The following CELF1 variants were observed in gnomAD, a reference collection of about 807,000 sequenced individuals.
The protein encoded by CELF1 is CUGBP Elav-like family member 1, also known as 50 kDa nuclear polyadenylated RNA-binding protein.
In CELF1, 10 loss-of-function variants were observed where a neutral mutation model predicts 61.8. The ratio of observed to expected loss-of-function variants is 0.16; its 90% CI spans 0.10 to 0.27. The LOEUF (loss-of-function observed/expected upper bound fraction) is 0.27, where lower values mean the gene tolerates loss of function less well. Among genes scored for constraint, CELF1 ranks in the 10% least tolerant of loss-of-function variants. CELF1 has a pLI of 1.00. For missense variants in CELF1, 380 were observed against 639.1 expected (o/e 0.59, Z 4.37); for synonymous variants, 236 against 225.1 (o/e 1.05, Z -0.43).
intron 1 of CELF1, among the ~76,000 whole-genome samples, chr11:47,522,351 C>T (rs1415031104): frequency 6.7e-6 from 1 of 148,682 alleles, no homozygotes; most frequent in Non-Finnish European, 1.5e-5. Flanking sequence ...CATGGTGAAA[C>T]CCCATCTCTA....
At chr11:47,534,356 TTCA>T (rs1451884968) in intron 1 of CELF1, among the ~76,000 whole-genome samples, 1 of 151,338 alleles carries the variant, frequency 6.6e-6, no homozygotes, top group East Asian at 1.9e-4. Context: ...CTATCAAGAT[TTCA>T]ATGTTTTCCA....
At chr11:47,512,386 C>T (rs1018900156) in intron 1 of CELF1, among the ~76,000 whole-genome samples, 3 of 151,438 alleles carry the variant, frequency 2.0e-5, no homozygotes, top group African/African-American at 7.3e-5. Context: ...ATCTCCTGAC[C>T]TCATGATCCA....
In CELF1 at chr11:47,489,003, G is replaced by A; in HGVS notation, c.93C>T (p.Thr31=). 1 of 1,588,044 alleles carries A rather than the reference G, an allele frequency of 6.3e-7. No homozygotes were observed. Among genetic ancestry groups the A allele is most frequent in the South Asian group, 1.1e-5 (1 of 87,204 alleles). ...GATCTGGTTGGTCTGGGTGGTCCAG[G>A]GTGCCGTTCATTTTCTTTGAGCTGT... ...SSPVSKKMNG[T]LDHPDQPDLD... is the part of the protein sequence containing the mutation. The change falls in exon 4 of 15, where the codon ACC becomes ACT. Residue 31 remains threonine (T), a synonymous_variant. Coordinates refer to ENST00000687097, the MANE Select transcript of CELF1 (RefSeq NM_001376376.1).
At chr11:47,560,900 A>C (rs915314592) in intron 2 of CELF1, among the ~76,000 whole-genome samples, 21 of 152,222 alleles carry the variant, frequency 1.4e-4, no homozygotes, top group African/African-American at 4.3e-4. Flanking sequence ...GCACTTTGGG[A>C]GTCCGAGGCG....
chr11:47,544,086 C>T (rs1257416734), intron 1 of CELF1, among the ~76,000 whole-genome samples: 1 of 152,176 alleles, frequency 6.6e-6, no homozygotes, highest in African/African-American at 2.4e-5. Context: ...TCCTGTTTAG[C>T]ACAGCATTTC....
At position 47,471,283 on chromosome 11, in the gene CELF1, A is replaced by T. The variant is rs1226863829; in HGVS notation, c.*947T>A. On this transcript the variant is annotated 3_prime_UTR_variant, in exon 15 of 15. Coordinates refer to ENST00000687097, the MANE Select transcript of CELF1 (RefSeq NM_001376376.1). ...TTCTTGGATTTGCCTTCATGAGAAA[A>T]TGGTGGCTTGGGATGGAGGTGACAT... 3 of 152,254 alleles carry T rather than the reference A, an allele frequency of 2.0e-5. No homozygotes were observed. The highest frequency in any genetic ancestry group is 4.4e-5 in the Non-Finnish European group (3 of 68,092). 9.4% of individuals were successfully genotyped at this position (152,254 alleles called of 1,614,324 possible).
At position 47,486,495 on chromosome 11, in the gene CELF1, C is replaced by T. The variant is rs146748321; in HGVS notation, c.391+255G>A. 5.9e-3 allele frequency among the ~76,000 whole-genome samples: 893 copies of T among 152,064 alleles called. 10 individuals are homozygous for T. Among genetic ancestry groups the T allele is most frequent in the African/African-American group, 0.019 (801 of 41,478 alleles). On this transcript the variant is annotated intron_variant, in intron 6 of 14. Transcript: ENST00000687097. ...CATGATCTTAGCTCATTGCAACCTC[C>T]GCCTCCCGGGTTCAAGAGATTCTCA...
Position 47,536,226 on chromosome 11 carries a change from G to A in CELF1, c.-154+16766C>T, listed in dbSNP as rs144264928. On this transcript the variant is annotated intron_variant, in intron 1 of 14. Transcript: ENST00000687097. ...TCTACTAAAAATAGAAAAATTAGCT[G>A]GGCATGGTGCCAACGGCCTGTAGTA... Among the ~76,000 whole-genome samples the A allele has an allele frequency of 2.2e-4, 34 of 152,094 alleles. No homozygotes were observed. The Middle Eastern group carries it at 0.01, about 46-fold the overall frequency.
chr11:47,491,829 C>T (rs767046924), intron 3 of CELF1, among the ~76,000 whole-genome samples: 2 of 152,200 alleles, frequency 1.3e-5, no homozygotes, highest in Admixed American at 6.5e-5. Flanking sequence ...AAAGTAAGCA[C>T]TCAAATGTGT....
At chr11:47,551,625 T>C (rs891290486) in intron 1 of CELF1, among the ~76,000 whole-genome samples, 1 of 152,182 alleles carries the variant, frequency 6.6e-6, no homozygotes, top group Non-Finnish European at 1.5e-5. Context: ...TCCAAAGCGC[T>C]TGGAGAGAAG....
At chr11:47,511,556 T>G (rs1452813261) in intron 1 of CELF1, among the ~76,000 whole-genome samples, 3 of 152,200 alleles carry the variant, frequency 2.0e-5, no homozygotes, top group Non-Finnish European at 4.4e-5. Context: ...TAAACCCTTA[T>G]CACCTAAAAG....
At chr11:47,503,920 T>C (rs2094217787) in intron 1 of CELF1, among the ~76,000 whole-genome samples, 1 of 152,198 alleles carries the variant, frequency 6.6e-6, no homozygotes, top group Non-Finnish European at 1.5e-5. Context: ...CACGCCTATA[T>C]TCCCAACACT....
chr11:47,470,082 A>AGTTTCAATCATACACAGCACCCTGTGTGT lies in CELF1; in HGVS notation c.*2119_*2147dup, dbSNP rs2077360316. On this transcript the variant is annotated 3_prime_UTR_variant, in exon 15 of 15. Transcript: ENST00000687097. ...TGCAAACGGGCCACAGAAAGTCAGT[A>AGTTTCAATCATACACAGCACCCTGTGTGT]GTTTCAATCATACACAGCACCCTGT... is the stretch of plus-strand genomic sequence containing the variant. 6.6e-6 allele frequency: 1 copy of AGTTTCAATCATACACAGCACCCTGTGTGT among 152,204 alleles called. No homozygotes were observed. Among genetic ancestry groups the AGTTTCAATCATACACAGCACCCTGTGTGT allele is most frequent in the Non-Finnish European group, 1.5e-5 (1 of 68,048 alleles). The allele number at this position is 152,204 out of a possible 1,614,324, so 9.4% of individuals were successfully genotyped here.
intron 3 of CELF1, among the ~76,000 whole-genome samples, chr11:47,493,113 A>G (rs942403917): frequency 1.3e-5 from 2 of 152,220 alleles, no homozygotes; most frequent in Middle Eastern, 3.4e-3. Flanking sequence ...TTCTAGAGAA[A>G]TGTCATCCTT....
At chr11:47,473,261 T>A in intron 13 of CELF1, 30 bp from the exon 14 acceptor site, 3 of 1,606,946 alleles carry the variant, frequency 1.9e-6, no homozygotes, top group East Asian at 2.2e-5. Context: ...TGGAAAAGTA[T>A]CAGTGTCAAA....
intron 1 of CELF1, among the ~76,000 whole-genome samples, chr11:47,525,636 T>C (rs779836017): frequency 1.3e-5 from 2 of 152,150 alleles, no homozygotes; most frequent in African/African-American, 4.8e-5. Flanking sequence ...TTCGGTATCA[T>C]AGGGGCTACA....
intron 1 of CELF1, among the ~76,000 whole-genome samples, chr11:47,507,165 G>C (rs117127556): frequency 2.0e-5 from 3 of 152,124 alleles, no homozygotes; most frequent in Non-Finnish European, 2.9e-5. Flanking sequence ...CTAAAATGTC[G>C]TAACAAATAG....
Position 47,488,955 on chromosome 11 carries a change from C to G in CELF1, c.141G>C (p.Val47=). ...QPDLDAIKMF[V]GQVPRTWSEK... is the part of the protein sequence containing the mutation. ...CAGACCAGGTCCTTGGAACCTGGCC[C>G]ACAAACATCTTGATAGCATCAAGAT... is the stretch of plus-strand genomic sequence containing the variant. The change falls in exon 4 of 15, where the codon GTG becomes GTC. Residue 47 remains valine (V), a synonymous_variant. Transcript: ENST00000687097. 1 of 1,612,920 alleles carries G rather than the reference C, an allele frequency of 6.2e-7. No homozygotes were observed. The highest frequency in any genetic ancestry group is 1.1e-5 in the South Asian group (1 of 90,920).
intron 9 of CELF1, among the ~76,000 whole-genome samples, chr11:47,481,763 C>T (rs1565769864): frequency 1.3e-5 from 2 of 152,146 alleles, no homozygotes; most frequent in Non-Finnish European, 1.5e-5. Flanking sequence ...AAATCTAAAT[C>T]ACAAATTGGG....
Sources: gnomAD v4.1 joint callset for allele counts (sites outside exome capture counted in the v4.1 genomes callset) on GRCh38, gnomAD v4.1.1 for gene constraint, MANE v1.5 for transcripts, NCBI Gene and HGNC (gene_info 2026-07-23, HGNC 2026-07-21) for gene names.